The following CDC25B variants were observed in gnomAD, a reference collection of about 807,000 sequenced individuals.
CDC25B encodes M-phase inducer phosphatase 2.
Under a neutral mutation model 69.8 loss-of-function variants are expected in CDC25B, and 33 were observed. The ratio of observed to expected loss-of-function variants is 0.47; its 90% CI spans 0.36 to 0.63. The LOEUF is 0.63. Ranked by LOEUF, CDC25B falls within the 30% of genes least tolerant of loss-of-function variation. The pLI, the probability that CDC25B is intolerant of heterozygous loss-of-function variation, is 0.00. For synonymous variants in CDC25B, 341 were observed against 314.6 expected (o/e 1.08, Z -0.89); for missense variants, 727 against 809.1 (o/e 0.90, Z 1.23).
Position 3,800,510 on chromosome 20 carries a change from C to T in CDC25B, c.459+12C>T, listed in dbSNP as rs1271108955. 4 of 1,613,844 alleles carry T rather than the reference C, an allele frequency of 2.5e-6. No homozygotes were observed. The highest frequency in any genetic ancestry group is 1.3e-5 in the African/African-American group (1 of 74,928). Reference sequence around the variant, plus strand: ...TCCAGTCTATGCCGGTGAGTGTCTTCGAGGCCTGACTGAGGCTTAGGCATG... The same window carrying T: ...TCCAGTCTATGCCGGTGAGTGTCTTTGAGGCCTGACTGAGGCTTAGGCATG... On this transcript the variant is annotated intron_variant, in intron 5 of 15. Transcript: ENST00000245960.
chr20:3,800,459 T>G lies in CDC25B; in HGVS notation c.423-3T>G. On this transcript the variant is annotated splice_polypyrimidine_tract_variant and splice_region_variant and intron_variant, in intron 4 of 15. Coordinates refer to ENST00000245960, the MANE Select transcript of CDC25B (RefSeq NM_021873.4). ...TCTCACCTGTCCCCATTTCCTCCTG[T>G]AGCGAGCAGTTTGCCATCAGACGCT... is the stretch of plus-strand genomic sequence containing the variant. 1.2e-6 allele frequency: 2 copies of G among 1,614,208 alleles called. No individual in the cohort carries two copies. The highest frequency in any genetic ancestry group is 1.7e-6 in the Non-Finnish European group (2 of 1,180,014).
At chr20:3,795,480 T>C (rs1244356299), upstream of CDC25B, among the ~76,000 whole-genome samples, 3 of 152,258 alleles carry the variant, frequency 2.0e-5, no homozygotes, top group African/African-American at 4.8e-5. Context: ...TATGGTGCCA[T>C]TGGCACCAAG....
At chr20:3,795,651 G>C (rs1460928260), upstream of CDC25B, 3 of 936,232 alleles carry the variant, frequency 3.2e-6, no homozygotes, top group Admixed American at 1.2e-4. Flanking sequence ...TCTAACCTGG[G>C]GTCCCGCGAA....
At position 3,800,834 on chromosome 20, in the gene CDC25B, C is replaced by G. The variant is rs1459178713; in HGVS notation, c.551C>G (p.Ala184Gly). The change falls in exon 6 of 16, where the codon GCT (alanine) becomes GGT (glycine). Residue 184 changes from alanine to glycine, a missense_variant. Physicochemically the swap from Ala to Gly is moderately conservative, Grantham distance 60 (BLOSUM62 0). Coordinates refer to ENST00000245960, the MANE Select transcript of CDC25B (RefSeq NM_021873.4). ...AGGAAGAGCGAGGCGGGCAGTGGAG[C>G]TGCCAGCAGCTCTGGGGAAGACAAG... ...GRRKSEAGSG[A>G]ASSSGEDKEN... is the part of the protein sequence containing the mutation. 6.2e-7 allele frequency: 1 copy of G among 1,613,708 alleles called. No individual in the cohort carries two copies. Among genetic ancestry groups the G allele is most frequent in the Non-Finnish European group, 8.5e-7 (1 of 1,180,034 alleles).
intron 2 of CDC25B, 27 bp downstream of exon 2, chr20:3,797,776 T>C (rs375177634): frequency 1.9e-6 from 3 of 1,612,336 alleles, no homozygotes; most frequent in East Asian, 2.2e-5. Flanking sequence ...CCTGGGGAGA[T>C]CTGCCTGTGT....
chr20:3,801,161 C>G lies in CDC25B; in HGVS notation c.705+68C>G, dbSNP rs567522806. On this transcript the variant is annotated intron_variant, in intron 7 of 15. Coordinates refer to ENST00000245960, the MANE Select transcript of CDC25B (RefSeq NM_021873.4). ...AGCCTCGGAGAAGAGGAGGGTGGCC[C>G]TGAACCCCCAGGCACTGGGAACTTT... The G allele has an allele frequency of 2.4e-5, 39 of 1,606,732 alleles. No homozygotes were observed. The East Asian group carries it at 8.7e-4, about 36-fold the overall frequency.
chr20:3,800,193 T>C, intron 3 of CDC25B, 95 bp from the exon 4 acceptor site: 1 of 546,192 alleles, frequency 1.8e-6, no homozygotes, highest in Non-Finnish European at 2.6e-6. Context: ...GCCCTTGTCT[T>C]TGCCCTTACT....
chr20:3,797,911 C>A (rs777195869), intron 2 of CDC25B, among the ~76,000 whole-genome samples, 162 bp downstream of exon 2: 3 of 152,174 alleles, frequency 2.0e-5, no homozygotes, highest in Non-Finnish European at 4.4e-5. Flanking sequence ...GAGGAAGACA[C>A]ACCTCTTGTG....
intron 3 of CDC25B, among the ~76,000 whole-genome samples, chr20:3,799,178 G>A (rs978088332): frequency 6.6e-6 from 1 of 152,220 alleles, no homozygotes; most frequent in Admixed American, 6.5e-5. Flanking sequence ...TTTGGGTTTA[G>A]GATAGTGACT....
At position 3,801,065 on chromosome 20, in the gene CDC25B, A is replaced by G. The variant is rs758579174; in HGVS notation, c.677A>G (p.Gln226Arg). 35 of 1,614,074 alleles carry G rather than the reference A, an allele frequency of 2.2e-5. No individual in the cohort carries two copies. The highest frequency in any genetic ancestry group is 2.9e-5 in the Non-Finnish European group (34 of 1,179,926). The part of the protein sequence containing the change: ...EWASRREAFA[Q>R]RPSSAPDLMC... ...GCCAGCCGCAGGGAAGCCTTTGCCC[A>G]GAGACCCAGCTCGGCCCCCGACCTG... The change falls in exon 7 of 16, where the codon CAG (glutamine) becomes CGG (arginine). Residue 226 changes from glutamine (Q) to arginine (R), a missense_variant. Physicochemically the swap from Gln to Arg is conservative, Grantham distance 43 (BLOSUM62 1). This residue lies in a region of CDC25B where 368 missense variants were observed against 345.6 expected (regional missense o/e 1.06). Coordinates refer to ENST00000245960, the MANE Select transcript of CDC25B (RefSeq NM_021873.4).
rs569602616 is a variant in CDC25B, at chr20:3,802,598, G to T, written c.1194+222G>T. ...CAGTCCAGGCATCTGTTGAGTCTCC[G>T]TCTTATTTCCAAGCTCATACCTAGC... On this transcript the variant is annotated intron_variant, in intron 11 of 15. Transcript: ENST00000245960. 73 of 599,700 alleles carry T rather than the reference G, an allele frequency of 1.2e-4. No individual in the cohort carries two copies. The East Asian group carries it at 1.3e-3, about 11-fold the overall frequency. 37.1% of individuals were successfully genotyped at this position (599,700 alleles called of 1,614,324 possible). A position where few individuals can be genotyped will look rare whatever the true frequency, so the allele number is the denominator to read the frequency against.
At chr20:3,799,484 C>CTGTGTG (rs60482329) in intron 3 of CDC25B, among the ~76,000 whole-genome samples, 6,351 of 131,552 alleles carry the variant, frequency 0.048, 171 homozygotes, top group East Asian at 0.069. Context: ...TTCTCAGAAG[C>CTGTGTG]TGTGTGTGTG....
chr20:3,793,820 A>G (rs1263602950), upstream of CDC25B, among the ~76,000 whole-genome samples: 28 of 142,388 alleles, frequency 2.0e-4, no homozygotes, highest in African/African-American at 6.6e-4. Context: ...TCATTGTTCA[A>G]TTCCCACCTA....
At chr20:3,796,283 A>G (rs1192703796), upstream of CDC25B, 1 of 1,352,020 alleles carries the variant, frequency 7.4e-7, no homozygotes, top group African/African-American at 1.6e-5. Context: ...TCGAATATAT[A>G]AGGAGGTGGA....
At chr20:3,799,484 CTG>C (rs60482329) in intron 3 of CDC25B, among the ~76,000 whole-genome samples, 2,633 of 131,572 alleles carry the variant, frequency 0.02, 43 homozygotes, top group African/African-American at 0.047. Context: ...TTCTCAGAAG[CTG>C]TGTGTGTGTG....
At position 3,801,102 on chromosome 20, in the gene CDC25B, A is replaced by T; in HGVS notation, c.705+9A>T. On this transcript the variant is annotated intron_variant, in intron 7 of 15. Coordinates refer to ENST00000245960, the MANE Select transcript of CDC25B (RefSeq NM_021873.4). ...CGGCCCCCGACCTGATGGTACATCC[A>T]GAGAGCGGATCCCTGGGAGGGGCCT... 6.2e-7 allele frequency: 1 copy of T among 1,613,948 alleles called. No individual in the cohort carries two copies. Among genetic ancestry groups the T allele is most frequent in the Non-Finnish European group, 8.5e-7 (1 of 1,179,876 alleles).
chr20:3,800,210 T>TGGACTGGAGACCTGATGCTAG, intron 3 of CDC25B, 78 bp from the exon 4 acceptor site: 1 of 1,285,614 alleles, frequency 7.8e-7, no homozygotes. Context: ...TACTCCCCCC[T>TGGACTGGAGACCTGATGCTAG]GGACTGGGGG....
chr20:3,797,656 T>C lies in CDC25B; in HGVS notation c.235T>C (p.Phe79Leu). The change falls in exon 2 of 16, where the codon TTC (phenylalanine) becomes CTC (leucine). Residue 79 changes from phenylalanine (F) to leucine (L), a missense_variant. Physicochemically the swap from Phe to Leu is conservative, Grantham distance 22. Around this residue, in one of 2 missense-constraint regions of CDC25B, gnomAD observed 368 missense variants for 345.6 expected, o/e 1.06. Transcript: ENST00000245960. ...TPKSQVGTLL[F>L]RSRSRLTHLS... ...AAAGAGTCAGGTAGGGACCCTGCTC[T>C]TCCGCAGCCGCAGCCGCCTGACGCA... The C allele has an allele frequency of 6.2e-7, 1 of 1,614,186 alleles. No individual in the cohort carries two copies. The highest frequency in any genetic ancestry group is 8.5e-7 in the Non-Finnish European group (1 of 1,180,028).
At position 3,805,225 on chromosome 20, in the gene CDC25B, T is replaced by G; in HGVS notation, c.*264T>G. 5.9e-6 allele frequency: 3 copies of G among 507,238 alleles called. No individual in the cohort carries two copies. In the East Asian group the frequency reaches 9.8e-5, roughly 17 times the overall value. The allele number at this position is 507,238 out of a possible 1,614,324, so 31.4% of individuals were successfully genotyped here. A position where few individuals can be genotyped will look rare whatever the true frequency, so the allele number is the denominator to read the frequency against. On this transcript the variant is annotated 3_prime_UTR_variant, in exon 16 of 16. Transcript: ENST00000245960. ...TAATACCAGCTTAAAGGCAGTATTT[T>G]GTGTCCTCCAGGAGCTTCTTGTTTC...
Sources: gnomAD v4.1 joint callset for allele counts (sites outside exome capture counted in the v4.1 genomes callset) on GRCh38, gnomAD v4.1.1 for gene constraint, gnomAD v4.1.1 regional missense constraint, MANE v1.5 for transcripts, NCBI Gene and HGNC (gene_info 2026-07-23, HGNC 2026-07-21) for gene names.